The following GABRB1 variants were observed in gnomAD, a reference collection of about 807,000 sequenced individuals.
GABRB1 encodes the protein gamma-aminobutyric acid type A receptor subunit beta1, also known as gamma-aminobutyric acid receptor subunit beta-1.
Under a neutral mutation model 51.6 loss-of-function variants are expected in GABRB1, and 17 were observed. The observed-to-expected ratio is 0.33, with a 90% confidence interval of 0.23 to 0.49. The LOEUF (loss-of-function observed/expected upper bound fraction) is 0.49. GABRB1 is among the 20% of genes least tolerant of loss of function. GABRB1 has a pLI of 0.99. For synonymous variants in GABRB1, 247 were observed against 218.9 expected, an observed-to-expected ratio of 1.13 and a Z score of -1.14; for missense variants, 410 against 600.6, an observed-to-expected ratio of 0.68 and a Z score of 3.32.
intron 4 of GABRB1, among the ~76,000 whole-genome samples, chr4:47,260,159 T>G (rs555184908): frequency 6.6e-6 from 1 of 152,310 alleles, no homozygotes; most frequent in South Asian, 2.1e-4. Context: ...CCTACCTTTT[T>G]TTTGTTTTCC....
chr4:47,001,651 C>T (rs1724222128), intron 1 of GABRB1, among the ~76,000 whole-genome samples: 1 of 152,172 alleles, frequency 6.6e-6, no homozygotes, highest in Admixed American at 6.5e-5. Flanking sequence ...ATTAGATATT[C>T]CCTGGGTCTC....
At chr4:47,262,521 G>T (rs935476318) in intron 4 of GABRB1, among the ~76,000 whole-genome samples, 6 of 151,986 alleles carry the variant, frequency 3.9e-5, no homozygotes, top group Admixed American at 2.6e-4. Context: ...TTAGAATGGC[G>T]ATCATTAAAA....
intron 3 of GABRB1, among the ~76,000 whole-genome samples, chr4:47,053,622 A>G: frequency 6.6e-6 from 1 of 152,192 alleles, no homozygotes; most frequent in African/African-American, 2.4e-5. Flanking sequence ...ACTGGATTCT[A>G]CCACCTAACA....
intron 1 of GABRB1, among the ~76,000 whole-genome samples, chr4:47,018,177 CTCT>C (rs1173225580): frequency 4.0e-5 from 6 of 149,978 alleles, no homozygotes; most frequent in African/African-American, 7.4e-5. Context: ...TTTTCTTCTT[CTCT>C]TCTTCTTCTT....
At chr4:47,210,319 C>A (rs1467095930) in intron 4 of GABRB1, among the ~76,000 whole-genome samples, 1 of 152,096 alleles carries the variant, frequency 6.6e-6, no homozygotes, top group Non-Finnish European at 1.5e-5. Flanking sequence ...AGCTGAAATG[C>A]ACACAGAGAC....
At chr4:47,168,849 T>A (rs1718317984) in intron 4 of GABRB1, among the ~76,000 whole-genome samples, 1 of 152,164 alleles carries the variant, frequency 6.6e-6, no homozygotes, top group Non-Finnish European at 1.5e-5. Flanking sequence ...TGGTTCATTT[T>A]GAGGGCTCTG....
chr4:47,352,264 G>A (rs944234710), intron 5 of GABRB1, among the ~76,000 whole-genome samples: 5 of 152,092 alleles, frequency 3.3e-5, no homozygotes, highest in African/African-American at 1.2e-4. Context: ...TGAAATTGTG[G>A]CAATAATCAA....
chr4:47,086,347 C>A (rs934722556), intron 3 of GABRB1, among the ~76,000 whole-genome samples: 1 of 152,040 alleles, frequency 6.6e-6, no homozygotes, highest in African/African-American at 2.4e-5. Flanking sequence ...TATTTTCCTT[C>A]AAGATAATAA....
chr4:47,408,584 A>G (rs936905484), intron 8 of GABRB1, among the ~76,000 whole-genome samples: 3 of 152,238 alleles, frequency 2.0e-5, no homozygotes, highest in African/African-American at 7.2e-5. Context: ...AGAAGTAGAC[A>G]AGATATTTGC....
intron 5 of GABRB1, among the ~76,000 whole-genome samples, chr4:47,381,847 A>G (rs112799394): frequency 2.8e-3 from 423 of 152,326 alleles, no homozygotes; most frequent in Non-Finnish European, 4.6e-3. Flanking sequence ...TGTATGTGTA[A>G]ACATGCTTCT....
chr4:47,041,463 C>A (rs1725832267), intron 3 of GABRB1, among the ~76,000 whole-genome samples: 1 of 152,056 alleles, frequency 6.6e-6, no homozygotes, highest in African/African-American at 2.4e-5. Context: ...CTTTCCCTAC[C>A]TCTACTGAAA....
chr4:47,288,505 G>A (rs1346850680), intron 4 of GABRB1, among the ~76,000 whole-genome samples: 7 of 151,690 alleles, frequency 4.6e-5, no homozygotes, highest in East Asian at 3.9e-4. Context: ...CTCATGATCC[G>A]CCCGCCTCAG....
chr4:47,207,141 G>GAC (rs1720159101), intron 4 of GABRB1, among the ~76,000 whole-genome samples: 1 of 151,880 alleles, frequency 6.6e-6, no homozygotes, highest in Non-Finnish European at 1.5e-5. Context: ...TATTTAACAG[G>GAC]ACATTTAACT....
At chr4:47,331,421 G>A (rs2109975515) in intron 5 of GABRB1, among the ~76,000 whole-genome samples, 1 of 152,162 alleles carries the variant, frequency 6.6e-6, no homozygotes, top group East Asian at 1.9e-4. Context: ...TATAAAGTTA[G>A]CCTCATAGTT....
At chr4:47,256,449 T>A (rs1431149260) in intron 4 of GABRB1, among the ~76,000 whole-genome samples, 3 of 152,252 alleles carry the variant, frequency 2.0e-5, no homozygotes, top group East Asian at 3.8e-4. Flanking sequence ...TTGCATTTAA[T>A]CCCTGTTTTG....
chr4:47,190,658 T>C (rs1719403082), intron 4 of GABRB1, among the ~76,000 whole-genome samples: 1 of 152,080 alleles, frequency 6.6e-6, no homozygotes, highest in African/African-American at 2.4e-5. Flanking sequence ...CAAGGCCACA[T>C]AGGTAATAAG....
Position 47,425,525 on chromosome 4 carries a change from G to T in GABRB1, c.1081-149G>T, listed in dbSNP as rs183232520. 376 of 615,310 alleles carry T rather than the reference G, an allele frequency of 6.1e-4. 1 individual carries two copies. The highest frequency in any genetic ancestry group is 2.6e-3 in the Middle Eastern group (6 of 2,320). The allele number at this position is 615,310 out of a possible 1,614,324, so 38.1% of individuals were successfully genotyped here. On this transcript the variant is annotated intron_variant, in intron 8 of 8. Coordinates refer to ENST00000295454, the MANE Select transcript of GABRB1 (RefSeq NM_000812.4). ...AGATAGATAGATAGATAGATCGATCGATCTATCTCCACATCAGGGAGGCAC... is the reference window on the plus strand; with the variant it reads ...AGATAGATAGATAGATAGATCGATCTATCTATCTCCACATCAGGGAGGCAC...
At chr4:47,161,805 A>C (rs1717968026) in intron 4 of GABRB1, among the ~76,000 whole-genome samples, 1 of 152,060 alleles carries the variant, frequency 6.6e-6, no homozygotes, top group African/African-American at 2.4e-5. Flanking sequence ...TCATAAACTC[A>C]TATATGCCTC....
intron 1 of GABRB1, among the ~76,000 whole-genome samples, chr4:47,019,917 T>TGTATAC (rs369669325): frequency 2.0e-5 from 2 of 101,220 alleles, no homozygotes; most frequent in Admixed American, 9.4e-5. Context: ...TATATGTATA[T>TGTATAC]GTATACGTAT....
Sources: gnomAD v4.1 joint callset for allele counts (sites outside exome capture counted in the v4.1 genomes callset) on GRCh38, gnomAD v4.1.1 for gene constraint, MANE v1.5 for transcripts, NCBI Gene and HGNC (gene_info 2026-07-23, HGNC 2026-07-21) for gene names.